The following ZNF827 variants were observed in gnomAD, a reference collection of about 807,000 sequenced individuals.
ZNF827 encodes the protein zinc finger protein 827.
In ZNF827, 13 loss-of-function variants were observed where a neutral mutation model predicts 102.4. The observed-to-expected ratio is 0.13, with a 90% CI of 0.08 to 0.20. The LOEUF (loss-of-function observed/expected upper bound fraction) is 0.20. Ranked by LOEUF, ZNF827 falls within the 10% of genes least tolerant of loss-of-function variation. The probability of loss-of-function intolerance (pLI) is 1.00; values close to 1 mark genes in which losing one functional copy is unlikely to be tolerated. For synonymous variants in ZNF827, 523 were observed against 536.2 expected, an observed-to-expected ratio of 0.98 and a Z score of 0.34; for missense variants, 1,103 against 1,344.4, an observed-to-expected ratio of 0.82 and a Z score of 2.81.
intron 1 of ZNF827, among the ~76,000 whole-genome samples, chr4:145,904,754 G>A (rs1751702147): frequency 6.6e-6 from 1 of 152,202 alleles, no homozygotes; most frequent in Non-Finnish European, 1.5e-5. Flanking sequence ...ATGCACTGTG[G>A]TGCAGGAGTG....
rs981212998 is a variant in ZNF827, at chr4:145,761,105, T to C, written c.*511A>G. ...AGGGGAGACAGGAGATTCCGGGAGC[T>C]CCCGACCACCAGGAGCGGGGCCCCC... On this transcript the variant is annotated 3_prime_UTR_variant, in exon 15 of 15. Coordinates refer to ENST00000508784, the MANE Select transcript of ZNF827 (RefSeq NM_001306215.2). This position sits in a 1 kb window ranked among gnomAD's most constrained non-coding sequence, Gnocchi z 6.8. 4 of 1,289,292 alleles carry C rather than the reference T, an allele frequency of 3.1e-6. No individual in the cohort carries two copies. The highest frequency in any genetic ancestry group is 3.0e-6 in the Non-Finnish European group (3 of 988,692). 79.9% of individuals were successfully genotyped at this position (1,289,292 alleles called of 1,614,324 possible). A position where few individuals can be genotyped will look rare whatever the true frequency, so the allele number is the denominator to read the frequency against.
chr4:145,758,065 C>T lies in ZNF827; in HGVS notation c.*3551G>A, dbSNP rs1734086762. The T allele has an allele frequency of 6.6e-6, 1 of 152,138 alleles. No individual in the cohort carries two copies. Among genetic ancestry groups the T allele is most frequent in the Non-Finnish European group, 1.5e-5 (1 of 68,006 alleles). The allele number at this position is 152,138 out of a possible 1,614,324, so 9.4% of individuals were successfully genotyped here. A position where few individuals can be genotyped will look rare whatever the true frequency, so the allele number is the denominator to read the frequency against. ...AACCAAATTCAGGGGTACATATTTT[C>T]TAGGGTGGAGTCTGAAAAATGCTGT... On this transcript the variant is annotated 3_prime_UTR_variant, in exon 15 of 15. Coordinates refer to ENST00000508784, the MANE Select transcript of ZNF827 (RefSeq NM_001306215.2).
chr4:145,860,987 C>T (rs935884643), intron 5 of ZNF827, among the ~76,000 whole-genome samples: 5 of 152,202 alleles, frequency 3.3e-5, no homozygotes, highest in South Asian at 2.1e-4. Flanking sequence ...TGCACAGATG[C>T]GCTGAGTAGC....
intron 1 of ZNF827, among the ~76,000 whole-genome samples, chr4:145,916,639 C>G (rs1056745875): frequency 4.6e-5 from 7 of 152,192 alleles, no homozygotes; most frequent in Admixed American, 1.3e-4. Flanking sequence ...ATGGTTTCCT[C>G]TCCTGAAAAT....
chr4:145,845,500 T>G (rs1275886886), intron 7 of ZNF827, among the ~76,000 whole-genome samples: 2 of 152,162 alleles, frequency 1.3e-5, no homozygotes, highest in African/African-American at 4.8e-5. Context: ...AAAAAAAATT[T>G]GGGATATCCT....
At chr4:145,861,177 G>A (rs899718384) in intron 5 of ZNF827, among the ~76,000 whole-genome samples, 40 of 152,144 alleles carry the variant, frequency 2.6e-4, no homozygotes, top group African/African-American at 9.4e-4. Flanking sequence ...CCCCTTCTTT[G>A]ACATGAATAT....
intron 5 of ZNF827, among the ~76,000 whole-genome samples, chr4:145,854,540 C>T (rs528010855): frequency 6.6e-6 from 1 of 152,262 alleles, no homozygotes; most frequent in East Asian, 1.9e-4. Context: ...CCTTCTTGCC[C>T]TTGGGTTCTT....
intron 5 of ZNF827, among the ~76,000 whole-genome samples, chr4:145,855,198 T>C (rs1746949843): frequency 6.6e-6 from 1 of 152,248 alleles, no homozygotes; most frequent in Non-Finnish European, 1.5e-5. Flanking sequence ...CTCGACTGCA[T>C]GCTATCATGA....
intron 5 of ZNF827, 108 bp from the exon 6 acceptor site, chr4:145,849,669 G>T (rs528527854): frequency 1.3e-6 from 2 of 1,528,372 alleles, no homozygotes; most frequent in Admixed American, 1.9e-5. Context: ...GCAGGGAAGA[G>T]AAAAATGAGC....
At chr4:145,931,745 C>T (rs1226218610) in intron 1 of ZNF827, among the ~76,000 whole-genome samples, 2 of 152,180 alleles carry the variant, frequency 1.3e-5, no homozygotes, top group Non-Finnish European at 2.9e-5. Flanking sequence ...GAAGACATGG[C>T]AACTTCAAAA....
intron 8 of ZNF827, among the ~76,000 whole-genome samples, chr4:145,783,613 A>G (rs1157774802): frequency 6.6e-6 from 1 of 152,246 alleles, no homozygotes; most frequent in Non-Finnish European, 1.5e-5. Context: ...TTCTCCAGCC[A>G]TGGAAGCGGC....
chr4:145,827,241 C>T (rs946491992), intron 7 of ZNF827, among the ~76,000 whole-genome samples: 2 of 152,118 alleles, frequency 1.3e-5, no homozygotes, highest in African/African-American at 2.4e-5. Context: ...CCGTTAACAC[C>T]TAAGGAATTT....
intron 1 of ZNF827, among the ~76,000 whole-genome samples, chr4:145,904,053 G>A (rs981007563): frequency 1.3e-5 from 2 of 152,014 alleles, no homozygotes; most frequent in South Asian, 2.1e-4. Flanking sequence ...TCTATTTATC[G>A]ATCCACCACT....
At chr4:145,860,931 T>C (rs777570124) in intron 5 of ZNF827, among the ~76,000 whole-genome samples, 2 of 152,212 alleles carry the variant, frequency 1.3e-5, no homozygotes, top group African/African-American at 2.4e-5. Context: ...CCCTGCCCAA[T>C]GGAAAGGGTC....
chr4:145,919,864 A>G (rs895521280), intron 1 of ZNF827, among the ~76,000 whole-genome samples: 4 of 152,216 alleles, frequency 2.6e-5, no homozygotes, highest in African/African-American at 9.6e-5. Context: ...GGGCCACAAT[A>G]AGTTTTGTAT....
At chr4:145,834,532 G>T (rs535690970) in intron 7 of ZNF827, among the ~76,000 whole-genome samples, 1 of 151,996 alleles carries the variant, frequency 6.6e-6, no homozygotes, top group Non-Finnish European at 1.5e-5. Context: ...TTACAGTTTC[G>T]TTCCGTGACT....
At chr4:145,819,166 T>C (rs555847875) in intron 8 of ZNF827, among the ~76,000 whole-genome samples, 2 of 152,216 alleles carry the variant, frequency 1.3e-5, no homozygotes, top group African/African-American at 4.8e-5. Context: ...ATGAATATAA[T>C]TGCAGATGTG....
At position 145,935,891 on chromosome 4, in the gene ZNF827, A is replaced by G. The variant is rs73852233; in HGVS notation, c.43+2474T>C. Among the ~76,000 whole-genome samples the G allele has an allele frequency of 5.5e-3, 833 of 152,290 alleles. 4 individuals carry two copies. Among genetic ancestry groups the G allele is most frequent in the African/African-American group, 0.019 (796 of 41,562 alleles). On this transcript the variant is annotated intron_variant, in intron 1 of 14. Coordinates refer to ENST00000508784, the MANE Select transcript of ZNF827 (RefSeq NM_001306215.2). ...CAGCTGCCCGACTGCACTACACACA[A>G]GAGGAGGGAAGGCGTTCCATCTCCG... is the stretch of plus-strand genomic sequence containing the variant.
intron 8 of ZNF827, among the ~76,000 whole-genome samples, chr4:145,800,440 A>G (rs1045486524): frequency 6.6e-6 from 1 of 150,422 alleles, no homozygotes; most frequent in African/African-American, 2.5e-5. Context: ...TGCAACCTCT[A>G]CCTCCCTGGA....
Sources: gnomAD v4.1 joint callset for allele counts (sites outside exome capture counted in the v4.1 genomes callset) on GRCh38, gnomAD v4.1.1 for gene constraint, Gnocchi (gnomAD v3.1) non-coding constraint, MANE v1.5 for transcripts, NCBI Gene and HGNC (gene_info 2026-07-23, HGNC 2026-07-21) for gene names.